RFX4: variants seen among roughly 807,000 people sequenced by gnomAD.
The protein encoded by RFX4 is regulatory factor X4.
A neutral mutation model predicts 95.0 loss-of-function variants in RFX4; 10 were observed. That is an observed-to-expected ratio of 0.11 (90% CI 0.06 to 0.18). The LOEUF is 0.18. RFX4 is among the 10% of genes least tolerant of loss of function. RFX4 has a pLI of 1.00. For missense variants in RFX4, 640 were observed against 922.0 expected (o/e 0.69, Z 3.96); for synonymous variants, 321 against 340.7 (o/e 0.94, Z 0.64).
intron 7 of RFX4, among the ~76,000 whole-genome samples, chr12:106,690,001 G>A (rs1240694724): frequency 6.6e-6 from 1 of 152,056 alleles, no homozygotes; most frequent in Non-Finnish European, 1.5e-5. Context: ...AAGACAATGT[G>A]GTCTCTAAAA....
chr12:106,638,209 T>C (rs2040553260), intron 2 of RFX4, among the ~76,000 whole-genome samples: 1 of 152,120 alleles, frequency 6.6e-6, no homozygotes, highest in Non-Finnish European at 1.5e-5. Flanking sequence ...GGTTTCACCA[T>C]GTTAGCCAGG....
chr12:106,755,250 C>G (rs1022892965), intron 17 of RFX4, among the ~76,000 whole-genome samples: 2 of 152,156 alleles, frequency 1.3e-5, no homozygotes, highest in African/African-American at 4.8e-5. Flanking sequence ...GCACATGCCA[C>G]CAAGCCCAGC....
intron 3 of RFX4, among the ~76,000 whole-genome samples, chr12:106,645,550 C>T (rs1488533506): frequency 6.6e-6 from 1 of 152,016 alleles, no homozygotes; most frequent in Non-Finnish European, 1.5e-5. Context: ...AAATTGAGGA[C>T]TTGGGTGGTT....
At chr12:106,677,125 A>G (rs952046305) in intron 4 of RFX4, among the ~76,000 whole-genome samples, 5 of 152,204 alleles carry the variant, frequency 3.3e-5, no homozygotes, top group African/African-American at 1.2e-4. Flanking sequence ...TGGTTAGCAC[A>G]GTGCCTGAGC....
chr12:106,603,115 G>C (rs1050922485), intron 1 of RFX4, among the ~76,000 whole-genome samples: 11 of 152,188 alleles, frequency 7.2e-5, no homozygotes, highest in Non-Finnish European at 1.5e-4. Flanking sequence ...TGGATGCAGG[G>C]ATAATCTAAG....
At chr12:106,608,059 G>A (rs2039874759) in intron 1 of RFX4, among the ~76,000 whole-genome samples, 1 of 152,092 alleles carries the variant, frequency 6.6e-6, no homozygotes, top group African/African-American at 2.4e-5. Flanking sequence ...CGAACTTGGT[G>A]GCGGGTGCCT....
At chr12:106,616,260 C>A (rs927196065) in intron 2 of RFX4, among the ~76,000 whole-genome samples, 2 of 152,172 alleles carry the variant, frequency 1.3e-5, no homozygotes, top group Admixed American at 6.6e-5. Flanking sequence ...GGAATTACAT[C>A]GGTTGAATTT....
intron 3 of RFX4, among the ~76,000 whole-genome samples, chr12:106,651,858 T>C (rs1457504029): frequency 1.3e-5 from 2 of 152,182 alleles, no homozygotes; most frequent in Non-Finnish European, 2.9e-5. Flanking sequence ...ATGTCCTGAA[T>C]TTTAAAAATT....
intron 8 of RFX4, among the ~76,000 whole-genome samples, chr12:106,701,449 ATCT>A (rs72387793): frequency 0.22 from 32,698 of 151,890 alleles, 3,967 homozygotes; most frequent in East Asian, 0.34. Flanking sequence ...CCCATTCATT[ATCT>A]TCTTCTCTGC....
chr12:106,611,598 C>A (rs1592849088), intron 2 of RFX4, among the ~76,000 whole-genome samples: 1 of 151,964 alleles, frequency 6.6e-6, no homozygotes, highest in African/African-American at 2.4e-5. Context: ...GCAACCTCCG[C>A]CTCCCAGGTT....
At chr12:106,694,133 A>G (rs1272951104) in intron 7 of RFX4, among the ~76,000 whole-genome samples, 1 of 152,222 alleles carries the variant, frequency 6.6e-6, no homozygotes, top group Non-Finnish European at 1.5e-5. Context: ...TCAGGGAATA[A>G]ACAGGACTCT....
chr12:106,699,745 C>T (rs970025667), intron 8 of RFX4, among the ~76,000 whole-genome samples: 8 of 151,710 alleles, frequency 5.3e-5, no homozygotes, highest in Non-Finnish European at 1.0e-4. Context: ...CATTTTTTTC[C>T]ACCCTGTTAA....
chr12:106,637,495 T>C (rs1306120479), intron 2 of RFX4, among the ~76,000 whole-genome samples: 2 of 152,252 alleles, frequency 1.3e-5, no homozygotes, highest in African/African-American at 4.8e-5. Flanking sequence ...ATAAATTTTA[T>C]GCCACAGATT....
At chr12:106,717,017 A>AAAAAAAAAG (rs2042307503) in intron 11 of RFX4, among the ~76,000 whole-genome samples, 1 of 151,692 alleles carries the variant, frequency 6.6e-6, no homozygotes, top group African/African-American at 2.4e-5. Context: ...AAAAAAAAAA[A>AAAAAAAAAG]AAAAAGGAAA....
chr12:106,600,950 T>C (rs796231857), intron 1 of RFX4, among the ~76,000 whole-genome samples: 10 of 152,346 alleles, frequency 6.6e-5, no homozygotes, highest in African/African-American at 2.4e-4. Flanking sequence ...TTTGTCTCTG[T>C]CTCCGCCACA....
intron 13 of RFX4, among the ~76,000 whole-genome samples, chr12:106,731,071 G>C (rs2042603682): frequency 6.6e-6 from 1 of 152,160 alleles, no homozygotes; most frequent in African/African-American, 2.4e-5. Flanking sequence ...TGGTCAGCTT[G>C]GAGAGAGGTG....
intron 16 of RFX4, 40 bp from the exon 17 acceptor site, chr12:106,750,615 G>A: frequency 1.3e-6 from 2 of 1,494,808 alleles, no homozygotes; most frequent in South Asian, 1.4e-5. Context: ...ATCTGTTCTT[G>A]CTATTACTCA....
chr12:106,652,986 G>T (rs1270993495), intron 3 of RFX4, among the ~76,000 whole-genome samples: 1 of 152,172 alleles, frequency 6.6e-6, no homozygotes, highest in Non-Finnish European at 1.5e-5. Context: ...CCCCAAACTT[G>T]CTTCCAAATA....
chr12:106,615,089 A>G (rs2040047205), intron 2 of RFX4, among the ~76,000 whole-genome samples: 1 of 152,148 alleles, frequency 6.6e-6, no homozygotes, highest in Admixed American at 6.5e-5. Context: ...TCTTTTTAAC[A>G]TATCATCTAG....
Sources: gnomAD v4.1 joint callset for allele counts (sites outside exome capture counted in the v4.1 genomes callset) on GRCh38, gnomAD v4.1.1 for gene constraint, MANE v1.5 for transcripts, NCBI Gene and HGNC (gene_info 2026-07-23, HGNC 2026-07-21) for gene names.